The following SOX6 variants were observed in gnomAD, a reference collection of about 807,000 sequenced individuals.
SOX6 encodes the protein SRY-box transcription factor 6.
Under a neutral mutation model 97.8 loss-of-function variants are expected in SOX6, and 11 were observed. The ratio of observed to expected loss-of-function variants is 0.11; its 90% CI spans 0.07 to 0.19. The LOEUF is 0.19. SOX6 is among the 10% of genes least tolerant of loss of function. The pLI, the probability that SOX6 is intolerant of heterozygous loss-of-function variation, is 1.00. For synonymous variants in SOX6, 360 were observed against 371.4 expected (o/e 0.97, Z 0.35); for missense variants, 810 against 1,039.5 (o/e 0.78, Z 3.04).
At chr11:16,112,070 T>A in intron 6 of SOX6, 147 bp from the exon 7 acceptor site, 2 of 1,028,192 alleles carry the variant, frequency 1.9e-6, no homozygotes, top group Non-Finnish European at 2.9e-6. Flanking sequence ...AAAATTCAGT[T>A]AAAATCCACC....
intron 4 of SOX6, among the ~76,000 whole-genome samples, chr11:16,213,292 A>T (rs1561258): frequency 0.48 from 72,466 of 151,612 alleles, 17,486 homozygotes; most frequent in South Asian, 0.61. Flanking sequence ...TTAGAGTTTT[A>T]TTTACTTTGA....
chr11:16,323,861 T>TTG (rs748409057), intron 2 of SOX6, among the ~76,000 whole-genome samples: 1 of 151,978 alleles, frequency 6.6e-6, no homozygotes, highest in Non-Finnish European at 1.5e-5. Flanking sequence ...ACTGACAAAC[T>TTG]TGAAACAACT....
At chr11:15,973,446 G>A (rs1853376409) in intron 15 of SOX6, among the ~76,000 whole-genome samples, 2 of 152,202 alleles carry the variant, frequency 1.3e-5, no homozygotes, top group African/African-American at 4.8e-5. Flanking sequence ...AATGTTACAT[G>A]TGAAATAATT....
At chr11:15,983,040 C>T (rs557767672) in intron 15 of SOX6, among the ~76,000 whole-genome samples, 2 of 152,042 alleles carry the variant, frequency 1.3e-5, no homozygotes, top group Admixed American at 1.3e-4. Flanking sequence ...ATGTGTCCAA[C>T]ACTTTATTAA....
intron 4 of SOX6, among the ~76,000 whole-genome samples, chr11:16,567,733 A>ATTTTT (rs58565035): frequency 1.2e-3 from 161 of 129,606 alleles, no homozygotes; most frequent in Middle Eastern, 3.9e-3. Context: ...CGCCTGGCTG[A>ATTTTT]TTTTTTTTTT....
At chr11:16,446,218 G>T (rs1859607951) in intron 1 of SOX6, among the ~76,000 whole-genome samples, 1 of 151,946 alleles carries the variant, frequency 6.6e-6, no homozygotes, top group Non-Finnish European at 1.5e-5. Context: ...AGGGGCAAAA[G>T]AGATGACAAG....
intron 1 of SOX6, among the ~76,000 whole-genome samples, chr11:16,420,729 G>A (rs1016538632): frequency 6.6e-6 from 1 of 152,076 alleles, no homozygotes; most frequent in African/African-American, 2.4e-5. Context: ...AACCTCTTTT[G>A]AATATGAGAA....
chr11:16,665,797 G>A (rs1002649271), intron 3 of SOX6, among the ~76,000 whole-genome samples: 1 of 152,176 alleles, frequency 6.6e-6, no homozygotes, highest in Non-Finnish European at 1.5e-5. Context: ...GTGGCCACAG[G>A]GGTGCTTGTG....
At chr11:16,485,985 GGGGA>G in intron 4 of SOX6, among the ~76,000 whole-genome samples, 1 of 38,042 alleles carries the variant, frequency 2.6e-5, no homozygotes, top group Non-Finnish European at 4.5e-5. Flanking sequence ...GGGGAGGGGA[GGGGA>G]GGGGAGGGGA....
At chr11:16,061,302 A>G (rs1737316319) in intron 9 of SOX6, among the ~76,000 whole-genome samples, 1 of 109,032 alleles carries the variant, frequency 9.2e-6, no homozygotes, top group Admixed American at 1.1e-4. Context: ...TACAATAGCT[A>G]CAAAAAAAAA....
chr11:16,105,573 C>CAAAA (rs1212551044), intron 7 of SOX6, among the ~76,000 whole-genome samples: 1 of 151,958 alleles, frequency 6.6e-6, no homozygotes, highest in African/African-American at 2.4e-5. Flanking sequence ...GTTTGTTAAA[C>CAAAA]AAACAAACAA....
At chr11:16,131,230 A>G (rs1373413172) in intron 6 of SOX6, among the ~76,000 whole-genome samples, 2 of 151,950 alleles carry the variant, frequency 1.3e-5, no homozygotes, top group Non-Finnish European at 2.9e-5. Flanking sequence ...TATTCAGAAT[A>G]ATTAAGAAAA....
intron 10 of SOX6, among the ~76,000 whole-genome samples, chr11:16,053,508 T>TA (rs1847734544): frequency 6.6e-6 from 1 of 152,144 alleles, no homozygotes; most frequent in Non-Finnish European, 1.5e-5. Flanking sequence ...ATACTCACTA[T>TA]AATACTAGAG....
At chr11:16,708,451 A>T (rs943114535) in intron 3 of SOX6, among the ~76,000 whole-genome samples, 29 of 152,324 alleles carry the variant, frequency 1.9e-4, no homozygotes, top group African/African-American at 6.5e-4. Context: ...AAGTAAATTT[A>T]AAAAAATTAA....
intron 4 of SOX6, among the ~76,000 whole-genome samples, chr11:16,531,535 A>G (rs1861236483): frequency 6.6e-6 from 1 of 151,844 alleles, no homozygotes; most frequent in Non-Finnish European, 1.5e-5. Context: ...TAAATATTAC[A>G]TTCCTATTTT....
At chr11:16,066,061 C>G (rs563241517) in intron 9 of SOX6, among the ~76,000 whole-genome samples, 2 of 152,116 alleles carry the variant, frequency 1.3e-5, no homozygotes, top group Non-Finnish European at 1.5e-5. Flanking sequence ...TCAAACAACT[C>G]TTTGGAAAAA....
chr11:16,275,494 A>G (rs1488995669), intron 3 of SOX6, among the ~76,000 whole-genome samples: 1 of 151,930 alleles, frequency 6.6e-6, no homozygotes, highest in Non-Finnish European at 1.5e-5. Flanking sequence ...AAACAAAAAA[A>G]CACCTCTTCC....
chr11:16,680,840 C>G (rs1432599612), intron 3 of SOX6, among the ~76,000 whole-genome samples: 2 of 152,100 alleles, frequency 1.3e-5, no homozygotes, highest in Non-Finnish European at 2.9e-5. Context: ...TTTAAACCAA[C>G]AAAGATCAAA....
intron 12 of SOX6, among the ~76,000 whole-genome samples, chr11:16,029,050 A>T (rs1205898033): frequency 6.6e-6 from 1 of 152,208 alleles, no homozygotes; most frequent in African/African-American, 2.4e-5. Context: ...TTATTTCTCA[A>T]AAAATAAAAT....
Sources: gnomAD v4.1 joint callset for allele counts (sites outside exome capture counted in the v4.1 genomes callset) on GRCh38, gnomAD v4.1.1 for gene constraint, MANE v1.5 for transcripts, NCBI Gene and HGNC (gene_info 2026-07-23, HGNC 2026-07-21) for gene names.